Variants in WWOX observed in about 807,000 individuals in gnomAD.
WWOX encodes WW domain containing oxidoreductase.
A neutral mutation model predicts 46.2 loss-of-function variants in WWOX; 69 were observed. That is an observed-to-expected ratio of 1.49 (90% CI 1.23 to 1.82). The LOEUF is 1.82. WWOX is among the 40% of genes most tolerant of loss of function. The pLI, the probability that WWOX is intolerant of heterozygous loss-of-function variation, is 0.00. For missense variants in WWOX, 919 were observed against 542.6 expected, an observed-to-expected ratio of 1.69 and a Z score of -6.89; for synonymous variants, 359 against 202.6, an observed-to-expected ratio of 1.77 and a Z score of -6.56.
intron 6 of WWOX, among the ~76,000 whole-genome samples, 185 bp from the exon 7 acceptor site, chr16:78,424,685 A>G (rs972631936): frequency 6.6e-6 from 1 of 152,154 alleles, no homozygotes; most frequent in African/African-American, 2.4e-5. Context: ...GTGACATTCT[A>G]GGGTATCCTA....
At chr16:78,172,279 C>T (rs544788555) in intron 5 of WWOX, among the ~76,000 whole-genome samples, 8 of 152,334 alleles carry the variant, frequency 5.3e-5, no homozygotes, top group Admixed American at 1.3e-4. Context: ...AAGCTCTTTC[C>T]TTCGCCTTCC....
rs1217796302 is a variant in WWOX at position 79,045,709 on chromosome 16, C to CACTT, written c.1057-165895_1057-165892dup. Reference sequence around the variant, plus strand: ...TGGGTTAACACAGTGTGTGTGTGTGCACTTACTAACTGTGCAACTGTGGGC... The same window carrying CACTT: ...TGGGTTAACACAGTGTGTGTGTGTGCACTTACTTACTAACTGTGCAACTGTGGGC... On this transcript the variant is annotated intron_variant, in intron 8 of 8. Transcript: ENST00000566780. Among the ~76,000 whole-genome samples, 20 of 149,666 alleles carry CACTT rather than the reference C, an allele frequency of 1.3e-4. No individual in the cohort carries two copies. The East Asian group carries it at 4.0e-3, about 30-fold the overall frequency.
In WWOX at chr16:79,087,459, A is replaced by G. The variant is rs576324405; in HGVS notation, c.1057-124149A>G. On this transcript the variant is annotated intron_variant, in intron 8 of 8. Transcript: ENST00000566780. ...TAGGCAGCTTTTCATTTTCACAGCC[A>G]GTCAGGCAAGGCTTGGAATAACTTG... Among the ~76,000 whole-genome samples the G allele has an allele frequency of 2.6e-5, 4 of 152,344 alleles. No individual in the cohort carries two copies. The East Asian group carries it at 7.7e-4, about 29-fold the overall frequency.
chr16:78,718,424 C>T (rs2048618218), intron 8 of WWOX, among the ~76,000 whole-genome samples: 1 of 151,958 alleles, frequency 6.6e-6, no homozygotes, highest in African/African-American at 2.4e-5. Flanking sequence ...TGTTTTTTTG[C>T]TCACTTGAGT....
intron 8 of WWOX, among the ~76,000 whole-genome samples, chr16:78,550,092 G>T (rs2044139629): frequency 6.6e-6 from 1 of 152,148 alleles, no homozygotes; most frequent in African/African-American, 2.4e-5. Flanking sequence ...ATTTCAAAAA[G>T]AGTGGCTGTG....
chr16:78,686,789 G>T (rs1200637853), intron 8 of WWOX, among the ~76,000 whole-genome samples: 1 of 152,184 alleles, frequency 6.6e-6, no homozygotes, highest in South Asian at 2.1e-4. Flanking sequence ...AACAGAGACA[G>T]AGTTGACTTG....
chr16:78,661,346 G>T (rs1479414299), intron 8 of WWOX, among the ~76,000 whole-genome samples: 1 of 152,104 alleles, frequency 6.6e-6, no homozygotes, highest in Admixed American at 6.5e-5. Context: ...TGTATCGTAA[G>T]GTTCTTCTGA....
intron 8 of WWOX, among the ~76,000 whole-genome samples, chr16:78,693,061 G>C (rs189604990): frequency 2.6e-5 from 4 of 152,300 alleles, no homozygotes; most frequent in African/African-American, 9.6e-5. Context: ...TTGCCATCCA[G>C]AGCTTGCCAG....
chr16:78,501,050 T>G (rs762886597), intron 8 of WWOX, among the ~76,000 whole-genome samples: 1 of 152,084 alleles, frequency 6.6e-6, no homozygotes, highest in Non-Finnish European at 1.5e-5. Flanking sequence ...CTTAGGCATT[T>G]AACAGTGAAG....
In WWOX at chr16:79,020,552, T is replaced by C. The variant is rs2047513238; in HGVS notation, c.1057-191056T>C. ...AGACAGGCTAGCACATACAACACAA[T>C]CTATAAATGTTTGCTATTATTGTCA... On this transcript the variant is annotated intron_variant, in intron 8 of 8. Coordinates refer to ENST00000566780, the MANE Select transcript of WWOX (RefSeq NM_016373.4). 3.3e-5 allele frequency among the ~76,000 whole-genome samples: 5 copies of C among 152,112 alleles called. No individual in the cohort carries two copies. The South Asian group carries it at 8.3e-4, about 25-fold the overall frequency.
At chr16:78,749,358 A>G (rs548798627) in intron 8 of WWOX, among the ~76,000 whole-genome samples, 2 of 152,344 alleles carry the variant, frequency 1.3e-5, no homozygotes, top group East Asian at 1.9e-4. Flanking sequence ...TCAAAACAAA[A>G]CAATGTTTTA....
chr16:78,235,484 G>C (rs549063911), intron 5 of WWOX, among the ~76,000 whole-genome samples: 70 of 152,286 alleles, frequency 4.6e-4, no homozygotes, highest in African/African-American at 1.6e-3. Context: ...TTGCCCCTAA[G>C]CATGGAAAAG....
chr16:78,964,371 T>C (rs902154468), intron 8 of WWOX, among the ~76,000 whole-genome samples: 1 of 152,274 alleles, frequency 6.6e-6, no homozygotes, highest in African/African-American at 2.4e-5. Context: ...TCGTTGGGAA[T>C]TGGAGCACAG....
intron 8 of WWOX, among the ~76,000 whole-genome samples, chr16:78,500,352 C>G (rs998783383): frequency 6.6e-6 from 1 of 152,220 alleles, no homozygotes; most frequent in Non-Finnish European, 1.5e-5. Context: ...TTTTACTCTG[C>G]ACAAAATACA....
At chr16:78,779,595 A>T (rs116595269) in intron 8 of WWOX, among the ~76,000 whole-genome samples, 11 of 152,220 alleles carry the variant, frequency 7.2e-5, no homozygotes, top group African/African-American at 2.7e-4. Context: ...TGAATAGAGT[A>T]TATTACCCAC....
intron 8 of WWOX, among the ~76,000 whole-genome samples, chr16:78,982,508 T>C (rs1415845228): frequency 6.6e-6 from 1 of 152,222 alleles, no homozygotes; most frequent in East Asian, 1.9e-4. Flanking sequence ...GTGGTGTGTA[T>C]GTATCTTTAG....
intron 5 of WWOX, among the ~76,000 whole-genome samples, chr16:78,312,360 G>A (rs530333809): frequency 6.7e-6 from 1 of 149,220 alleles, no homozygotes; most frequent in South Asian, 2.1e-4. Flanking sequence ...TGAGTGGCCA[G>A]CTGGAGTTGT....
intron 8 of WWOX, among the ~76,000 whole-genome samples, chr16:79,060,769 A>G (rs778585623): frequency 1.3e-5 from 2 of 151,826 alleles, no homozygotes; most frequent in Non-Finnish European, 2.9e-5. Flanking sequence ...GTTTTTTAAG[A>G]CTCTCAGTCT....
chr16:78,922,713 T>C (rs1304228557), intron 8 of WWOX, among the ~76,000 whole-genome samples: 2 of 151,910 alleles, frequency 1.3e-5, no homozygotes, highest in African/African-American at 4.8e-5. Context: ...AAGGATTTTA[T>C]AAGAAAGGAT....
Sources: gnomAD v4.1 joint callset for allele counts (sites outside exome capture counted in the v4.1 genomes callset) on GRCh38, gnomAD v4.1.1 for gene constraint, MANE v1.5 for transcripts, NCBI Gene and HGNC (gene_info 2026-07-23, HGNC 2026-07-21) for gene names.